The following ANKS1B variants were observed in gnomAD, a reference collection of about 807,000 sequenced individuals.
The protein encoded by ANKS1B is ankyrin repeat and sterile alpha motif domain containing 1B, also known as ankyrin repeat and sterile alpha motif domain-containing protein 1B.
Under a neutral mutation model 148.3 loss-of-function variants are expected in ANKS1B, and 36 were observed. The observed-to-expected ratio is 0.24, with a 90% confidence interval of 0.19 to 0.32. The LOEUF is 0.32. Ranked by LOEUF, ANKS1B falls within the 10% of genes least tolerant of loss-of-function variation. The pLI, the probability that ANKS1B is intolerant of heterozygous loss-of-function variation, is 1.00. For missense variants in ANKS1B, 1,157 were observed against 1,542.6 expected, an observed-to-expected ratio of 0.75 and a Z score of 4.19; for synonymous variants, 542 against 560.8, an observed-to-expected ratio of 0.97 and a Z score of 0.47.
intron 17 of ANKS1B, among the ~76,000 whole-genome samples, chr12:99,038,903 T>G (rs1181231380): frequency 6.6e-6 from 1 of 152,218 alleles, no homozygotes. Context: ...CCTCTTACCC[T>G]GCTCTATGTT....
At chr12:99,538,488 A>C (rs929824944) in intron 9 of ANKS1B, among the ~76,000 whole-genome samples, 4 of 151,656 alleles carry the variant, frequency 2.6e-5, no homozygotes, top group Non-Finnish European at 5.9e-5. Flanking sequence ...TTCTTAATTC[A>C]TTTGTTTTTA....
At chr12:98,757,653 A>G (rs751180915) in intron 25 of ANKS1B, among the ~76,000 whole-genome samples, 1 of 152,184 alleles carries the variant, frequency 6.6e-6, no homozygotes, top group Non-Finnish European at 1.5e-5. Context: ...GCTGCAGTGA[A>G]GTCAGCAAAA....
intron 9 of ANKS1B, among the ~76,000 whole-genome samples, chr12:99,567,571 C>G (rs2373011): frequency 0.5 from 75,900 of 151,882 alleles, 19,518 homozygotes; most frequent in African/African-American, 0.61. Flanking sequence ...AGTAAAGAAT[C>G]TTGACACTAG....
At chr12:99,884,760 A>G (rs1175318411) in intron 1 of ANKS1B, among the ~76,000 whole-genome samples, 1 of 152,192 alleles carries the variant, frequency 6.6e-6, no homozygotes, top group East Asian at 1.9e-4. Context: ...GCTGACTACA[A>G]AAGAGCAGAC....
intron 8 of ANKS1B, among the ~76,000 whole-genome samples, chr12:99,683,226 T>C (rs888228308): frequency 2.0e-5 from 3 of 151,706 alleles, no homozygotes; most frequent in Non-Finnish European, 2.9e-5. Flanking sequence ...CACAGCCAAA[T>C]CATATCAGCG....
intron 17 of ANKS1B, among the ~76,000 whole-genome samples, chr12:98,888,654 T>C (rs1421924477): frequency 6.6e-6 from 1 of 152,224 alleles, no homozygotes; most frequent in Non-Finnish European, 1.5e-5. Flanking sequence ...CCATGAGCTG[T>C]TCCCCTAGCC....
At chr12:99,349,848 A>T (rs1251779882) in intron 12 of ANKS1B, among the ~76,000 whole-genome samples, 1 of 152,052 alleles carries the variant, frequency 6.6e-6, no homozygotes, top group East Asian at 1.9e-4. Context: ...GAAATACAGA[A>T]CATTCTCTGG....
chr12:99,304,004 C>T (rs1028766145), intron 12 of ANKS1B, among the ~76,000 whole-genome samples: 1 of 151,980 alleles, frequency 6.6e-6, no homozygotes, highest in African/African-American at 2.4e-5. Context: ...ATTCTTTATC[C>T]ACTCATTGGC....
intron 17 of ANKS1B, among the ~76,000 whole-genome samples, chr12:98,952,412 T>C (rs1323604438): frequency 3.9e-5 from 6 of 152,218 alleles, no homozygotes; most frequent in Non-Finnish European, 7.3e-5. Flanking sequence ...ATCCTGTGGG[T>C]CAAAAAGTTT....
At chr12:99,746,500 T>C (rs895431248) in intron 8 of ANKS1B, among the ~76,000 whole-genome samples, 7 of 152,222 alleles carry the variant, frequency 4.6e-5, no homozygotes, top group African/African-American at 1.7e-4. Flanking sequence ...GTTCCTGTTA[T>C]GTTACATTAC....
chr12:99,252,526 G>T (rs2074735701), intron 12 of ANKS1B, among the ~76,000 whole-genome samples: 1 of 152,138 alleles, frequency 6.6e-6, no homozygotes, highest in African/African-American at 2.4e-5. Context: ...AGTCCCCATG[G>T]CCCCGAAACA....
intron 16 of ANKS1B, among the ~76,000 whole-genome samples, chr12:99,066,574 G>A (rs2044409414): frequency 6.6e-6 from 1 of 152,218 alleles, no homozygotes; most frequent in East Asian, 1.9e-4. Flanking sequence ...GGGGAGTCAG[G>A]GTATGCATTT....
At chr12:99,469,004 A>G (rs1023400358) in intron 10 of ANKS1B, among the ~76,000 whole-genome samples, 14 of 152,128 alleles carry the variant, frequency 9.2e-5, no homozygotes, top group East Asian at 3.9e-4. Flanking sequence ...TGTTTATTGC[A>G]GCACTATTCA....
intron 4 of ANKS1B, among the ~76,000 whole-genome samples, chr12:99,790,878 A>G (rs2065561161): frequency 6.6e-6 from 1 of 152,050 alleles, no homozygotes; most frequent in Non-Finnish European, 1.5e-5. Flanking sequence ...CCAAAAAAAG[A>G]GAGCGAGAGA....
At chr12:99,205,453 T>TA (rs777249280) in intron 14 of ANKS1B, among the ~76,000 whole-genome samples, 12 of 152,286 alleles carry the variant, frequency 7.9e-5, no homozygotes, top group Non-Finnish European at 1.8e-4. Flanking sequence ...TGTTGAAACT[T>TA]AATCTTTTGA....
chr12:98,773,701 C>T (rs1175610797), intron 24 of ANKS1B, among the ~76,000 whole-genome samples: 1 of 152,178 alleles, frequency 6.6e-6, no homozygotes, highest in South Asian at 2.1e-4. Context: ...GGTGATCTGC[C>T]CACCTCGGCC....
At chr12:98,885,677 C>T (rs1329008255) in intron 17 of ANKS1B, among the ~76,000 whole-genome samples, 3 of 152,132 alleles carry the variant, frequency 2.0e-5, no homozygotes, top group African/African-American at 7.2e-5. Context: ...CCCCCTTGCC[C>T]GCCCCGTCAA....
At chr12:99,489,726 T>G (rs1275316867) in intron 10 of ANKS1B, among the ~76,000 whole-genome samples, 2 of 152,168 alleles carry the variant, frequency 1.3e-5, no homozygotes, top group Non-Finnish European at 1.5e-5. Context: ...AGGAATGGAG[T>G]GCTTAGCTGA....
chr12:99,850,281 G>GTCTCTCCCTCTCTCTCTCTCTCTCTCTC lies in ANKS1B; in HGVS notation c.135-24893_135-24892insGAGAGAGAGAGAGAGAGAGAGGGAGAGA, dbSNP rs57015094. Among the ~76,000 whole-genome samples, 463 of 114,202 alleles carry GTCTCTCCCTCTCTCTCTCTCTCTCTCTC rather than the reference G, an allele frequency of 4.1e-3. 35 individuals carry two copies. Among genetic ancestry groups the GTCTCTCCCTCTCTCTCTCTCTCTCTCTC allele is most frequent in the Middle Eastern group, 0.011 (2 of 184 alleles). The allele number at this position is 114,202 out of a possible 152,430, so 74.9% of individuals were successfully genotyped here. ...TTGAGAAAACAGCAGAAGCAAGAAAGTCTCTCTCTCTCTCTCTCTCTCTCT... is the reference window on the plus strand; with the variant it reads ...TTGAGAAAACAGCAGAAGCAAGAAAGTCTCTCCCTCTCTCTCTCTCTCTCTCTCTCTCTCTCTCTCTCTCTCTCTCTCT... On this transcript the variant is annotated intron_variant, in intron 1 of 26. Transcript: ENST00000683438.
Sources: gnomAD v4.1 joint callset for allele counts (sites outside exome capture counted in the v4.1 genomes callset) on GRCh38, gnomAD v4.1.1 for gene constraint, MANE v1.5 for transcripts, NCBI Gene and HGNC (gene_info 2026-07-23, HGNC 2026-07-21) for gene names.